The following FAM120B variants were observed in gnomAD, a reference collection of about 807,000 sequenced individuals.
FAM120B encodes constitutive coactivator of peroxisome proliferator-activated receptor gamma.
A neutral mutation model predicts 96.3 loss-of-function variants in FAM120B; 83 were observed. The ratio of observed to expected loss-of-function variants is 0.86; its 90% CI spans 0.72 to 1.03. The LOEUF (loss-of-function observed/expected upper bound fraction) is 1.03. Among genes scored for constraint, FAM120B ranks in the 50% least tolerant of loss-of-function variants. The probability of loss-of-function intolerance (pLI) is 0.00; values close to 1 mark genes in which losing one functional copy is unlikely to be tolerated. For synonymous variants in FAM120B, 407 were observed against 402.7 expected (o/e 1.01, Z -0.13); for missense variants, 1,027 against 1,121.2 (o/e 0.92, Z 1.20).
chr6:170,328,895 G>A (rs1038635003), intron 3 of FAM120B, among the ~76,000 whole-genome samples: 3 of 152,190 alleles, frequency 2.0e-5, no homozygotes, highest in Admixed American at 1.3e-4. Context: ...TCCGAGACTT[G>A]CCTTTAAACT....
upstream of FAM120B, among the ~76,000 whole-genome samples, chr6:170,291,277 C>T (rs1030860012): frequency 9.9e-5 from 15 of 152,096 alleles, no homozygotes; most frequent in Non-Finnish European, 8.8e-5. Context: ...GCACGCCCTC[C>T]CGGGCCACAG....
intron 6 of FAM120B, among the ~76,000 whole-genome samples, chr6:170,376,708 G>C (rs1337922571): frequency 6.6e-6 from 1 of 152,240 alleles, no homozygotes; most frequent in Non-Finnish European, 1.5e-5. Context: ...AGGCAGGAGA[G>C]ACAGTGAGAT....
chr6:170,317,559 T>C lies in FAM120B; in HGVS notation c.169T>C (p.Ser57Pro), dbSNP rs989116731. Residue 57 changes from serine to proline, a missense_variant, in exon 2 of 11, where the codon TCT (serine) becomes CCT (proline). Around this residue, in one of 3 missense-constraint regions of FAM120B, gnomAD observed 880 missense variants for 980.9 expected, o/e 0.90. Transcript: ENST00000476287. ...TCTCAGATATTGGTATACTCCAGAA[T>C]CTTGGATCTGCGGTGGCCAGTGGCG... The part of the protein sequence containing the change: ...CCLRYWYTPE[S>P]WICGGQWREY... 1.2e-6 allele frequency: 2 copies of C among 1,614,220 alleles called. No homozygotes were observed. The highest frequency in any genetic ancestry group is 2.7e-5 in the African/African-American group (2 of 75,056).
chr6:170,290,891 G>T, upstream of FAM120B: 1 of 690,800 alleles, frequency 1.4e-6, no homozygotes, highest in Non-Finnish European at 2.6e-6. This position sits in a 1 kb window ranked among gnomAD's most constrained non-coding sequence, Gnocchi z 4.7. Context: ...CTCTGCCCTC[G>T]GCCGGGTCGG....
chr6:170,372,893 T>A (rs1006440282), intron 6 of FAM120B, among the ~76,000 whole-genome samples: 7 of 152,358 alleles, frequency 4.6e-5, no homozygotes, highest in Non-Finnish European at 8.8e-5. Flanking sequence ...TTTTTGCTGT[T>A]TTGTTTACTA....
At position 170,318,045 on chromosome 6, in the gene FAM120B, G is replaced by A. The variant is rs1444104059; in HGVS notation, c.655G>A (p.Val219Met). The A allele has an allele frequency of 1.2e-6, 2 of 1,614,178 alleles. No homozygotes were observed. The highest frequency in any genetic ancestry group is 1.7e-6 in the Non-Finnish European group (2 of 1,180,022). ...EKLCESLGLC[V>M]ADLPLLACLL... ...GCTCTGTGAGAGTCTGGGCCTCTGT[G>A]TGGCCGACCTTCCTCTTCTGGCCTG... Residue 219 changes from valine to methionine, a missense_variant, in exon 2 of 11, where the codon GTG (valine) becomes ATG (methionine). Around this residue, in one of 3 missense-constraint regions of FAM120B, gnomAD observed 880 missense variants for 980.9 expected, o/e 0.90. Transcript: ENST00000476287.
At chr6:170,404,437 TC>T in intron 9 of FAM120B, 112 bp from the exon 10 acceptor site, 1 of 860,600 alleles carries the variant, frequency 1.2e-6, no homozygotes, top group African/African-American at 1.7e-5. Context: ...TAAAGCTGTG[TC>T]CTCCAAATAC....
Position 170,296,803 on chromosome 6 carries a change from C to T in FAM120B, c.48+1350C>T, listed in dbSNP as rs535353263. On this transcript the variant is annotated intron_variant, in intron 1 of 10. Coordinates refer to the FAM120B transcript ENST00000537664. ...GCCCCTCGGTACGGGCCCCCTGCGG[C>T]CGCCACCCTCCGCCTCCGCGCGGCG... 1.6e-4 allele frequency among the ~76,000 whole-genome samples: 25 copies of T among 152,260 alleles called. No homozygotes were observed. In the South Asian group the frequency reaches 2.3e-3, roughly 14 times the overall value.
chr6:170,314,078 T>G (rs1411054898), intron 1 of FAM120B, among the ~76,000 whole-genome samples: 1 of 152,252 alleles, frequency 6.6e-6, no homozygotes, highest in Non-Finnish European at 1.5e-5. Context: ...GAACTTCTCT[T>G]TGCTCTTTCC....
intron 6 of FAM120B, among the ~76,000 whole-genome samples, chr6:170,367,137 A>C (rs1178233099): frequency 6.6e-6 from 1 of 152,250 alleles, no homozygotes. Flanking sequence ...GAAGTTGAAA[A>C]TAAAAATAAT....
In FAM120B at chr6:170,401,238, A is replaced by T. The variant is rs1302546188; in HGVS notation, c.2693-3312A>T. On this transcript the variant is annotated intron_variant, in intron 9 of 10. Coordinates refer to ENST00000476287, the MANE Select transcript of FAM120B (RefSeq NM_032448.3). ...CCCCAGTCGCCCCGGTCTTGCCAGA[A>T]GTCCAGAGGCCACCATGGTTTCCTC... 2.0e-5 allele frequency among the ~76,000 whole-genome samples: 3 copies of T among 152,188 alleles called. 1 individual carries two copies. Among genetic ancestry groups the T allele is most frequent in the Middle Eastern group, 6.3e-3 (2 of 316 alleles).
At chr6:170,376,382 T>C (rs751618039) in intron 6 of FAM120B, among the ~76,000 whole-genome samples, 1 of 150,744 alleles carries the variant, frequency 6.6e-6, no homozygotes, top group Non-Finnish European at 1.5e-5. Flanking sequence ...GATACACATA[T>C]AGTGTGATAA....
chr6:170,357,783 A>G (rs1788049558), intron 5 of FAM120B, among the ~76,000 whole-genome samples: 1 of 152,256 alleles, frequency 6.6e-6, no homozygotes, highest in African/African-American at 2.4e-5. Flanking sequence ...TAACCTGACT[A>G]GAAATTCAGG....
At position 170,406,612 on chromosome 6, in the gene FAM120B, G is replaced by C. The variant is rs778583751; in HGVS notation, c.*1861G>C. The C allele has an allele frequency of 6.6e-6, 1 of 151,936 alleles. No individual in the cohort carries two copies. Among genetic ancestry groups the C allele is most frequent in the South Asian group, 2.1e-4 (1 of 4,818 alleles). The allele number at this position is 151,936 out of a possible 1,614,324, so 9.4% of individuals were successfully genotyped here. ...GAACATTTACATCTAATTATTTTTC[G>C]TGCAAGTCTTGTAGGACCCACATGT... On this transcript the variant is annotated 3_prime_UTR_variant, in exon 11 of 11. Coordinates refer to ENST00000476287, the MANE Select transcript of FAM120B (RefSeq NM_032448.3).
chr6:170,339,177 C>T (rs1786647223), intron 4 of FAM120B, among the ~76,000 whole-genome samples: 1 of 152,070 alleles, frequency 6.6e-6, no homozygotes, highest in South Asian at 2.1e-4. Flanking sequence ...TTTAGTGCTT[C>T]CTTCAGGAGC....
intron 6 of FAM120B, 105 bp downstream of exon 6, chr6:170,358,423 AT>A: frequency 1.2e-6 from 1 of 845,390 alleles, no homozygotes; most frequent in Non-Finnish European, 1.9e-6. Flanking sequence ...TCAGGAAGGT[AT>A]TTTAGTCAGG....
chr6:170,291,985 T>A (rs375256794), upstream of FAM120B, among the ~76,000 whole-genome samples: 1 of 152,332 alleles, frequency 6.6e-6, no homozygotes, highest in East Asian at 1.9e-4. Context: ...GTGGCTGTCA[T>A]TAAGGCAGCC....
At chr6:170,404,257 C>T (rs529792377) in intron 9 of FAM120B, 8 of 329,686 alleles carry the variant, frequency 2.4e-5, no homozygotes, top group Admixed American at 1.9e-4. Flanking sequence ...TTCCAAAAGT[C>T]GTCAGCAATA....
chr6:170,398,082 C>T (rs571572366), intron 9 of FAM120B, among the ~76,000 whole-genome samples: 3 of 152,312 alleles, frequency 2.0e-5, no homozygotes, highest in African/African-American at 2.4e-5. Flanking sequence ...AAAGAGGCTA[C>T]GGGTTCTGCA....
Sources: gnomAD v4.1 joint callset for allele counts (sites outside exome capture counted in the v4.1 genomes callset) on GRCh38, gnomAD v4.1.1 for gene constraint, gnomAD v4.1.1 regional missense constraint, Gnocchi (gnomAD v3.1) non-coding constraint, MANE v1.5 for transcripts, NCBI Gene and HGNC (gene_info 2026-07-23, HGNC 2026-07-21) for gene names.